The following SEC61A2 variants were observed in gnomAD, a reference collection of about 807,000 sequenced individuals.
SEC61A2 encodes protein transport protein Sec61 subunit alpha isoform 2.
SEC61A2 carries 28 observed loss-of-function variants against 59.9 expected under a neutral mutation model. That is an observed-to-expected ratio of 0.47 (90% confidence interval 0.35 to 0.64). SEC61A2 has a LOEUF of 0.64. SEC61A2 is among the 30% of genes least tolerant of loss of function. SEC61A2 has a pLI of 0.01. For synonymous variants in SEC61A2, 202 were observed against 214.4 expected (o/e 0.94, Z 0.50); for missense variants, 340 against 585.9 (o/e 0.58, Z 4.33).
rs182102192 is a variant in SEC61A2 at position 12,164,508 on chromosome 10, G to A, written c.*54G>A. The stretch of plus-strand genomic sequence containing the variant: ...GAAAGGGAAAACACTTTGACGGATC[G>A]TTTTTGTCAGATGACACTGGTGGCT... On this transcript the variant is annotated 3_prime_UTR_variant, in exon 12 of 12. Coordinates refer to ENST00000298428, the MANE Select transcript of SEC61A2 (RefSeq NM_018144.4). The surrounding 1 kb of genome is among the most constrained non-coding windows in gnomAD (Gnocchi z 7.3). The A allele has an allele frequency of 4.9e-4, 766 of 1,568,874 alleles. 4 individuals are homozygous for A. The African/African-American group carries it at 9.2e-3, about 19-fold the overall frequency.
rs1032504458 is a variant in SEC61A2 at position 12,155,547 on chromosome 10, G to C, written c.463-231G>C. On this transcript the variant is annotated intron_variant, in intron 6 of 11. Coordinates refer to ENST00000298428, the MANE Select transcript of SEC61A2 (RefSeq NM_018144.4). This position sits in a 1 kb window ranked among gnomAD's most constrained non-coding sequence, Gnocchi z 4.3. The stretch of plus-strand genomic sequence containing the variant: ...AGATAAGTGTAAATAGACTTTAAAA[G>C]TTGAAATGTCTGCTTTATAATACAA... The C allele has an allele frequency of 1.5e-6, 1 of 682,212 alleles. No homozygotes were observed. The highest frequency in any genetic ancestry group is 2.4e-6 in the Non-Finnish European group (1 of 410,684). 42.3% of individuals were successfully genotyped at this position (682,212 alleles called of 1,614,324 possible).
In SEC61A2 at chr10:12,161,248, G is replaced by A; in HGVS notation, c.1167+127G>A. The A allele has an allele frequency of 1.5e-6, 1 of 680,916 alleles. No individual in the cohort carries two copies. Among genetic ancestry groups the A allele is most frequent in the Non-Finnish European group, 2.4e-6 (1 of 418,816 alleles). The allele number at this position is 680,916 out of a possible 1,614,324, so 42.2% of individuals were successfully genotyped here. On this transcript the variant is annotated intron_variant, in intron 10 of 11. Coordinates refer to ENST00000298428, the MANE Select transcript of SEC61A2 (RefSeq NM_018144.4). The surrounding 1 kb of genome is among the most constrained non-coding windows in gnomAD (Gnocchi z 5.4). ...ACCTCAGGAGTTTTGAGACCAGCCT[G>A]GGCAACATAGCGAGACCCCGTCATG...
chr10:12,169,296 G>A (rs1834793666), downstream of SEC61A2: 1 of 1,555,246 alleles, frequency 6.4e-7, no homozygotes, highest in South Asian at 1.2e-5. This position sits in a 1 kb window ranked among gnomAD's most constrained non-coding sequence, Gnocchi z 4.8. Context: ...GGAGAAGGAA[G>A]ACATTTTACA....
At position 12,154,191 on chromosome 10, in the gene SEC61A2, T is replaced by C. The variant is rs951492603; in HGVS notation, c.463-1587T>C. 6.6e-6 allele frequency among the ~76,000 whole-genome samples: 1 copy of C among 152,214 alleles called. No homozygotes were observed. The highest frequency in any genetic ancestry group is 6.5e-5 in the Admixed American group (1 of 15,284). On this transcript the variant is annotated intron_variant, in intron 6 of 11. Coordinates refer to ENST00000298428, the MANE Select transcript of SEC61A2 (RefSeq NM_018144.4). This position sits in a 1 kb window ranked among gnomAD's most constrained non-coding sequence, Gnocchi z 5.2. ...TGTCACTTCCTGGGTTCTCATCCCTTTTCACAGGCATGCATGATATTTACT... is the reference window on the plus strand; with the variant it reads ...TGTCACTTCCTGGGTTCTCATCCCTCTTCACAGGCATGCATGATATTTACT...
chr10:12,132,924 C>G (rs932359481), intron 1 of SEC61A2, among the ~76,000 whole-genome samples: 1 of 152,082 alleles, frequency 6.6e-6, no homozygotes, highest in South Asian at 2.1e-4. Context: ...AAGTATGATG[C>G]CCTTTGAACA....
chr10:12,137,695 A>G (rs772203168), intron 3 of SEC61A2, among the ~76,000 whole-genome samples: 1 of 152,158 alleles, frequency 6.6e-6, no homozygotes, highest in African/African-American at 2.4e-5. Flanking sequence ...GGTTATTGTA[A>G]AGATTAAATA....
chr10:12,162,488 G>T lies in SEC61A2; in HGVS notation c.1244+199G>T, dbSNP rs762291828. On this transcript the variant is annotated intron_variant, in intron 11 of 11. Transcript: ENST00000298428. This position sits in a 1 kb window ranked among gnomAD's most constrained non-coding sequence, Gnocchi z 6.1. ...TCATTGAAATTGTGAGCACTGCTCTGCTCATCCCAGTGATAAAATCTTGCA... is the reference window on the plus strand; with the variant it reads ...TCATTGAAATTGTGAGCACTGCTCTTCTCATCCCAGTGATAAAATCTTGCA... The T allele has an allele frequency of 2.7e-6, 2 of 736,644 alleles. No homozygotes were observed. Among genetic ancestry groups the T allele is most frequent in the South Asian group, 2.7e-5 (2 of 73,342 alleles). 45.6% of individuals were successfully genotyped at this position (736,644 alleles called of 1,614,324 possible).
At position 12,148,351 on chromosome 10, in the gene SEC61A2, T is replaced by C. The variant is rs1339728214; in HGVS notation, c.221-1244T>C. ...ACCTCCACCTCCCGGGTTCAAGCAATTCACCTGCCTCAGCCTCCCAAGTAG... is the reference window on the plus strand; with the variant it reads ...ACCTCCACCTCCCGGGTTCAAGCAACTCACCTGCCTCAGCCTCCCAAGTAG... On this transcript the variant is annotated intron_variant, in intron 4 of 11. Transcript: ENST00000298428. Among the ~76,000 whole-genome samples the C allele has an allele frequency of 2.0e-5, 3 of 150,696 alleles. 1 individual carries two copies. The highest frequency in any genetic ancestry group is 3.0e-5 in the Non-Finnish European group (2 of 67,772).
downstream of SEC61A2, chr10:12,167,314 C>T (rs982449244): frequency 8.1e-5 from 14 of 173,178 alleles, no homozygotes; most frequent in African/African-American, 3.1e-4. Context: ...ATTTGCATAC[C>T]CAGCTTAGAA....
At position 12,142,898 on chromosome 10, in the gene SEC61A2, T is replaced by C. The variant is rs1202047678; in HGVS notation, c.142-219T>C. The stretch of plus-strand genomic sequence containing the variant: ...TTGTTTTTGTTGAAGAACATAAGAA[T>C]AGTTTTTAAAAAAGTATTGCAAGCA... On this transcript the variant is annotated intron_variant, in intron 3 of 11. Coordinates refer to ENST00000298428, the MANE Select transcript of SEC61A2 (RefSeq NM_018144.4). The surrounding 1 kb of genome is among the most constrained non-coding windows in gnomAD (Gnocchi z 5.4). Among the ~76,000 whole-genome samples the C allele has an allele frequency of 1.3e-5, 2 of 152,166 alleles. No individual in the cohort carries two copies. Among genetic ancestry groups the C allele is most frequent in the Non-Finnish European group, 2.9e-5 (2 of 68,030 alleles).
intron 6 of SEC61A2, among the ~76,000 whole-genome samples, chr10:12,151,057 G>A (rs1031297505): frequency 6.6e-5 from 10 of 151,434 alleles, no homozygotes; most frequent in Non-Finnish European, 1.3e-4. Context: ...TTACAGGCGT[G>A]AGCCACTGCG....
rs543643837 is a variant in SEC61A2 at position 12,150,045 on chromosome 10, C to T, written c.462+84C>T. 1.3e-5 allele frequency: 11 copies of T among 851,990 alleles called. No homozygotes were observed. In the African/African-American group the frequency reaches 1.4e-4, roughly 10 times the overall value. 52.8% of individuals were successfully genotyped at this position (851,990 alleles called of 1,614,324 possible). ...TTCTAACAGTTCTTTAGGTGATTGGCTTATTCATTTTCTTACTTTTGAATT... is the reference window on the plus strand; with the variant it reads ...TTCTAACAGTTCTTTAGGTGATTGGTTTATTCATTTTCTTACTTTTGAATT... On this transcript the variant is annotated intron_variant, in intron 6 of 11. Transcript: ENST00000298428.
downstream of SEC61A2, chr10:12,166,707 T>C: frequency 2.0e-6 from 1 of 508,986 alleles, no homozygotes; most frequent in Non-Finnish European, 4.0e-6. Flanking sequence ...GGGGCCAGAC[T>C]GGAAAGTCCT....
chr10:12,130,043 G>A (rs955339094), intron 1 of SEC61A2, among the ~76,000 whole-genome samples: 5 of 152,204 alleles, frequency 3.3e-5, no homozygotes, highest in Admixed American at 2.0e-4. Context: ...GATGGCGCTG[G>A]GAGGCCATTG....
At chr10:12,144,570 G>T (rs888467651) in intron 4 of SEC61A2, among the ~76,000 whole-genome samples, 5 of 152,174 alleles carry the variant, frequency 3.3e-5, no homozygotes, top group Admixed American at 1.3e-4. Context: ...TGTCCCAGTT[G>T]TCATGGAGTT....
At chr10:12,135,429 AT>A (rs1292255171) in intron 2 of SEC61A2, among the ~76,000 whole-genome samples, 1 of 152,236 alleles carries the variant, frequency 6.6e-6, no homozygotes, top group Non-Finnish European at 1.5e-5. Context: ...ATTTAAAAAA[AT>A]ATAAGCTTAA....
Position 12,149,124 on chromosome 10 carries a change from C to G in SEC61A2, c.221-471C>G, listed in dbSNP as rs940961763. 6.6e-6 allele frequency among the ~76,000 whole-genome samples: 1 copy of G among 152,068 alleles called. No individual in the cohort carries two copies. Among genetic ancestry groups the G allele is most frequent in the African/African-American group, 2.4e-5 (1 of 41,398 alleles). ...TTTGTTTTTGAGATGGAGTCTCACT[C>G]TGTTGCCCGGGCTGGAGTGCAGTGG... On this transcript the variant is annotated intron_variant, in intron 4 of 11. Coordinates refer to ENST00000298428, the MANE Select transcript of SEC61A2 (RefSeq NM_018144.4). This position sits in a 1 kb window ranked among gnomAD's most constrained non-coding sequence, Gnocchi z 5.2.
At chr10:12,159,115 C>T (rs1332704311) in intron 9 of SEC61A2, among the ~76,000 whole-genome samples, 6 of 151,624 alleles carry the variant, frequency 4.0e-5, no homozygotes, top group African/African-American at 1.5e-4. Context: ...GTAGCTGGGA[C>T]TACAGGCGCC....
At chr10:12,132,195 C>T (rs1423063453) in intron 1 of SEC61A2, among the ~76,000 whole-genome samples, 3 of 151,326 alleles carry the variant, frequency 2.0e-5, no homozygotes, top group Admixed American at 1.3e-4. Flanking sequence ...CAGCTATATA[C>T]GAGGCTGAGG....
Sources: gnomAD v4.1 joint callset for allele counts (sites outside exome capture counted in the v4.1 genomes callset) on GRCh38, gnomAD v4.1.1 for gene constraint, Gnocchi (gnomAD v3.1) non-coding constraint, MANE v1.5 for transcripts, NCBI Gene and HGNC (gene_info 2026-07-23, HGNC 2026-07-21) for gene names.